RAP1GAP2: variants seen among roughly 807,000 people sequenced by gnomAD.
RAP1GAP2 encodes the protein rap1 GTPase-activating protein 2.
RAP1GAP2 carries 27 observed loss-of-function variants against 95.0 expected under a neutral mutation model. The ratio of observed to expected loss-of-function variants is 0.28; its 90% CI spans 0.21 to 0.39. The LOEUF is 0.39. Among genes scored for constraint, RAP1GAP2 ranks in the 10% least tolerant of loss-of-function variants. The pLI is 1.00. For synonymous variants in RAP1GAP2, 373 were observed against 380.9 expected (o/e 0.98, Z 0.24); for missense variants, 771 against 970.0 (o/e 0.79, Z 2.72).
At chr17:3,025,936 G>A in intron 19 of RAP1GAP2, 72 bp from the exon 20 acceptor site, 1 of 1,169,614 alleles carries the variant, frequency 8.5e-7, no homozygotes, top group Non-Finnish European at 1.3e-6. Context: ...GAGAGGCTCT[G>A]CCTGGGGCCG....
intron 3 of RAP1GAP2, among the ~76,000 whole-genome samples, chr17:2,924,787 C>T (rs1486594400): frequency 6.6e-6 from 1 of 152,168 alleles, no homozygotes; most frequent in Non-Finnish European, 1.5e-5. Flanking sequence ...AATCCTATTT[C>T]GTCTTGGAGC....
At chr17:2,976,123 C>T (rs1163230246) in intron 8 of RAP1GAP2, among the ~76,000 whole-genome samples, 6 of 152,160 alleles carry the variant, frequency 3.9e-5, no homozygotes, top group African/African-American at 7.2e-5. Context: ...AGTGGATAAA[C>T]ACTGAGTTAT....
intron 3 of RAP1GAP2, among the ~76,000 whole-genome samples, chr17:2,909,773 G>A (rs903813623): frequency 6.6e-6 from 1 of 152,142 alleles, no homozygotes; most frequent in Non-Finnish European, 1.5e-5. Flanking sequence ...TACTGCCCAG[G>A]CCCCAAGCAC....
chr17:2,955,386 G>T (rs2044070773), intron 3 of RAP1GAP2, among the ~76,000 whole-genome samples: 1 of 152,162 alleles, frequency 6.6e-6, no homozygotes, highest in Admixed American at 6.6e-5. Flanking sequence ...AATGGCTTGA[G>T]TGTCTTTTCA....
chr17:2,878,324 C>G (rs2073163077), intron 2 of RAP1GAP2, among the ~76,000 whole-genome samples: 1 of 152,050 alleles, frequency 6.6e-6, no homozygotes, highest in Non-Finnish European at 1.5e-5. Flanking sequence ...CTGTGAGACC[C>G]CCCCGGGGAT....
chr17:2,927,157 A>C (rs1252861956), intron 3 of RAP1GAP2, among the ~76,000 whole-genome samples: 2 of 151,388 alleles, frequency 1.3e-5, no homozygotes, highest in East Asian at 3.9e-4. Context: ...ACGCTGGAGC[A>C]AGTCTTTTTT....
intron 1 of RAP1GAP2, among the ~76,000 whole-genome samples, chr17:2,758,168 C>T (rs1158785563): frequency 2.2e-5 from 3 of 137,838 alleles, no homozygotes; most frequent in Admixed American, 7.3e-5. Flanking sequence ...CACGCCTGGC[C>T]ACGCCCCCCC....
chr17:2,793,616 T>A (rs992743378), upstream of RAP1GAP2, among the ~76,000 whole-genome samples: 1 of 152,254 alleles, frequency 6.6e-6, no homozygotes, highest in Non-Finnish European at 1.5e-5. Context: ...GTGGGCTGAC[T>A]GTTCCCACTT....
chr17:2,922,594 G>A (rs1378018058), intron 3 of RAP1GAP2, among the ~76,000 whole-genome samples: 2 of 152,096 alleles, frequency 1.3e-5, no homozygotes, highest in Non-Finnish European at 2.9e-5. Context: ...AGGGTGTTGC[G>A]GGGCTGGGAG....
intron 2 of RAP1GAP2, among the ~76,000 whole-genome samples, chr17:2,848,796 G>A (rs2071698109): frequency 6.6e-6 from 1 of 152,174 alleles, no homozygotes; most frequent in Non-Finnish European, 1.5e-5. Flanking sequence ...TTACAGGCGT[G>A]AGCCACCGCA....
intron 4 of RAP1GAP2, among the ~76,000 whole-genome samples, chr17:2,960,747 A>G (rs542006701): frequency 2.6e-5 from 4 of 152,330 alleles, no homozygotes; most frequent in Admixed American, 1.3e-4. Flanking sequence ...ATCCCTGTGC[A>G]TTAGTGTTGT....
Position 3,035,207 on chromosome 17 carries a change from A to G in RAP1GAP2, c.*1846A>G, listed in dbSNP as rs1309209859. 1 of 152,506 alleles carries G rather than the reference A, an allele frequency of 6.6e-6. No homozygotes were observed. The highest frequency in any genetic ancestry group is 1.5e-5 in the Non-Finnish European group (1 of 68,020). The allele number at this position is 152,506 out of a possible 1,614,324, so 9.4% of individuals were successfully genotyped here. A position where few individuals can be genotyped will look rare whatever the true frequency, so the allele number is the denominator to read the frequency against. On this transcript the variant is annotated 3_prime_UTR_variant, in exon 25 of 25. Coordinates refer to ENST00000254695, the MANE Select transcript of RAP1GAP2 (RefSeq NM_015085.5). This position sits in a 1 kb window ranked among gnomAD's most constrained non-coding sequence, Gnocchi z 4.3. ...ATCTGTTTAGCTTTTATGAAGAGTC[A>G]CCGTAGCAGCCCCCACGGCTGGAAA...
At chr17:2,761,289 CTTTTTTT>C (rs1002992848) in intron 1 of RAP1GAP2, among the ~76,000 whole-genome samples, 3 of 106,362 alleles carry the variant, frequency 2.8e-5, no homozygotes, top group South Asian at 3.1e-4. Context: ...GGTCTTTTTT[CTTTTTTT>C]TTTTTTTTTG....
At chr17:2,795,953 T>A (rs957572890), upstream of RAP1GAP2, among the ~76,000 whole-genome samples, 3 of 152,170 alleles carry the variant, frequency 2.0e-5, no homozygotes, top group African/African-American at 4.8e-5. Context: ...CCTGTGCCCA[T>A]GCGTGTGCAT....
chr17:2,941,929 T>G (rs904994425), intron 3 of RAP1GAP2, among the ~76,000 whole-genome samples: 1 of 152,128 alleles, frequency 6.6e-6, no homozygotes, highest in Non-Finnish European at 1.5e-5. Context: ...GTGATCCACC[T>G]GCCTCGGCCT....
chr17:2,773,764 T>C (rs1449822429), upstream of RAP1GAP2, among the ~76,000 whole-genome samples: 1 of 148,038 alleles, frequency 6.8e-6, no homozygotes, highest in Non-Finnish European at 1.5e-5. Context: ...TATTTATTTA[T>C]TTATTCTTTT....
rs1267259474 is a variant in RAP1GAP2, at chr17:2,867,771, GT to G, written c.81-37512del. Reference sequence around the variant, plus strand: ...CTGGGCAGTAAAAATGCCAACAGCTGTCCACTCTGCTGGCCCTAGTGGCTTA... The same window carrying G: ...CTGGGCAGTAAAAATGCCAACAGCTGCCACTCTGCTGGCCCTAGTGGCTTA... On this transcript the variant is annotated intron_variant, in intron 2 of 24. Coordinates refer to ENST00000254695, the MANE Select transcript of RAP1GAP2 (RefSeq NM_015085.5). This position sits in a 1 kb window ranked among gnomAD's most constrained non-coding sequence, Gnocchi z 4.5. Among the ~76,000 whole-genome samples, 2 of 152,120 alleles carry G rather than the reference GT, an allele frequency of 1.3e-5. No individual in the cohort carries two copies. Among genetic ancestry groups the G allele is most frequent in the African/African-American group, 4.8e-5 (2 of 41,440 alleles).
At chr17:2,957,829 C>T (rs1267221233) in intron 4 of RAP1GAP2, 35 bp downstream of exon 4, 12 of 1,560,224 alleles carry the variant, frequency 7.7e-6, no homozygotes, top group African/African-American at 5.5e-5. Flanking sequence ...GGGGAAGAAG[C>T]CCAGCCCCAG....
intron 2 of RAP1GAP2, among the ~76,000 whole-genome samples, chr17:2,837,197 G>A (rs998834451): frequency 6.6e-6 from 1 of 150,800 alleles, no homozygotes; most frequent in Non-Finnish European, 1.5e-5. Flanking sequence ...GCTGCAGTAA[G>A]CTATGATTGC....
Sources: allele counts gnomAD v4.1 joint callset (sites outside exome capture counted in the v4.1 genomes callset), GRCh38; gene constraint gnomAD v4.1.1; non-coding constraint Gnocchi (gnomAD v3.1); transcripts MANE v1.5; gene names NCBI Gene and HGNC (gene_info 2026-07-23, HGNC 2026-07-21).